Variants in TNNI3K observed in about 807,000 individuals in gnomAD.
The protein encoded by TNNI3K is serine/threonine-protein kinase TNNI3K.
In TNNI3K, 140 loss-of-function variants were observed where a neutral mutation model predicts 114.5. The ratio of observed to expected loss-of-function variants is 1.22; its 90% confidence interval spans 1.07 to 1.41. TNNI3K has a LOEUF of 1.41. Among genes scored for constraint, TNNI3K ranks in the 40% most tolerant of loss-of-function variants. The pLI is 0.00. For missense variants in TNNI3K, 1,125 were observed against 1,007.6 expected (o/e 1.12, Z -1.58); for synonymous variants, 347 against 347.5 (o/e 1.00, Z 0.02).
At chr1:74,419,927 C>T (rs944022664) in intron 17 of TNNI3K, among the ~76,000 whole-genome samples, 27 of 152,006 alleles carry the variant, frequency 1.8e-4, no homozygotes, top group African/African-American at 6.5e-4. Context: ...TCACAGATTT[C>T]ATAATGTATT....
intron 7 of TNNI3K, among the ~76,000 whole-genome samples, chr1:74,339,107 T>C (rs557492814): frequency 2.0e-5 from 3 of 152,256 alleles, no homozygotes; most frequent in South Asian, 2.1e-4. Context: ...AGTGTCAAAA[T>C]GAATGTCATT....
intron 5 of TNNI3K, among the ~76,000 whole-genome samples, chr1:74,303,846 G>C (rs1239863605): frequency 2.6e-5 from 4 of 152,162 alleles, no homozygotes; most frequent in African/African-American, 7.2e-5. Flanking sequence ...TACAGTAACA[G>C]GAGTTTGGCA....
intron 6 of TNNI3K, among the ~76,000 whole-genome samples, chr1:74,331,756 A>T (rs1191115769): frequency 2.0e-5 from 3 of 152,218 alleles, no homozygotes; most frequent in Admixed American, 2.0e-4. Flanking sequence ...CTTATTACAC[A>T]AAGAGGCAGA....
intron 5 of TNNI3K, among the ~76,000 whole-genome samples, chr1:74,296,273 CAAAA>C (rs35316333): frequency 1.7e-5 from 2 of 119,072 alleles, no homozygotes; most frequent in Non-Finnish European, 3.6e-5. Flanking sequence ...AAGACTCCGT[CAAAA>C]AAAAAAAAAA....
chr1:74,267,387 G>A (rs889309264), intron 4 of TNNI3K, among the ~76,000 whole-genome samples: 8 of 151,900 alleles, frequency 5.3e-5, no homozygotes, highest in African/African-American at 1.2e-4. Flanking sequence ...CTTGAGACTC[G>A]ATCAGGAAAA....
At chr1:74,284,063 G>A (rs751421962) in intron 5 of TNNI3K, among the ~76,000 whole-genome samples, 1 of 152,108 alleles carries the variant, frequency 6.6e-6, no homozygotes, top group Non-Finnish European at 1.5e-5. Flanking sequence ...GTCTCAGGAA[G>A]ACGGGAAATT....
chr1:74,430,185 A>G (rs1665825913), intron 17 of TNNI3K, among the ~76,000 whole-genome samples: 1 of 152,136 alleles, frequency 6.6e-6, no homozygotes, highest in Non-Finnish European at 1.5e-5. Context: ...GTGGTCTAAT[A>G]ATCAGGCCAG....
chr1:74,318,718 TA>T (rs759187950), intron 5 of TNNI3K, among the ~76,000 whole-genome samples: 99 of 152,382 alleles, frequency 6.5e-4, no homozygotes, highest in Non-Finnish European at 1.2e-3. Flanking sequence ...AATTTACATG[TA>T]CCTTATATCA....
chr1:74,237,892 A>T (rs1374577690), intron 2 of TNNI3K, among the ~76,000 whole-genome samples: 1 of 151,964 alleles, frequency 6.6e-6, no homozygotes, highest in African/African-American at 2.4e-5. Context: ...AATAATATTA[A>T]CTCCGGTGGA....
chr1:74,301,009 T>C (rs796728932), intron 5 of TNNI3K, among the ~76,000 whole-genome samples: 1 of 152,304 alleles, frequency 6.6e-6, no homozygotes, highest in African/African-American at 2.4e-5. Context: ...CAATAAAGTG[T>C]GAATGTGCAT....
intron 5 of TNNI3K, among the ~76,000 whole-genome samples, chr1:74,321,099 C>T (rs1659586682): frequency 6.6e-6 from 1 of 152,040 alleles, no homozygotes; most frequent in South Asian, 2.1e-4. Context: ...AGAATTTTGG[C>T]TTTTAAAATG....
intron 17 of TNNI3K, among the ~76,000 whole-genome samples, chr1:74,406,404 G>C (rs1447239223): frequency 6.6e-6 from 1 of 152,064 alleles, no homozygotes; most frequent in African/African-American, 2.4e-5. Flanking sequence ...TTCCAGTGTG[G>C]CCCAGGGAAG....
chr1:74,399,546 A>G (rs1386981016), intron 17 of TNNI3K, among the ~76,000 whole-genome samples: 1 of 151,946 alleles, frequency 6.6e-6, no homozygotes, highest in Non-Finnish European at 1.5e-5. Context: ...CTGATCACTG[A>G]GACAGCCTTA....
intron 9 of TNNI3K, among the ~76,000 whole-genome samples, chr1:74,351,555 A>G (rs199775165): frequency 6.6e-6 from 1 of 152,158 alleles, no homozygotes; most frequent in Admixed American, 6.5e-5. Flanking sequence ...AATATCCTGC[A>G]GAGTGTTTTC....
intron 17 of TNNI3K, among the ~76,000 whole-genome samples, chr1:74,433,537 C>T (rs892644432): frequency 6.6e-6 from 1 of 152,152 alleles, no homozygotes; most frequent in African/African-American, 2.4e-5. Context: ...TGAATAGAAA[C>T]TTTCACTTTA....
chr1:74,260,526 A>G (rs186788328), intron 4 of TNNI3K, among the ~76,000 whole-genome samples: 55 of 152,312 alleles, frequency 3.6e-4, no homozygotes, highest in Middle Eastern at 3.4e-3. Flanking sequence ...AGATAGAATT[A>G]TCTATTTTAT....
intron 17 of TNNI3K, among the ~76,000 whole-genome samples, chr1:74,389,546 T>C (rs184917554): frequency 3.4e-4 from 52 of 152,334 alleles, no homozygotes; most frequent in African/African-American, 1.2e-3. Context: ...TGCCTTTCTG[T>C]GTTCCTATCA....
Position 74,503,095 on chromosome 1 carries a change from G to A in TNNI3K, c.2351+10829G>A, listed in dbSNP as rs1570711232. ...TTCCTCATTAAACGTACTCTCCACTGTGGTAGCCAAATGCAGTCAATGAAT... is the reference window on the plus strand; with the variant it reads ...TTCCTCATTAAACGTACTCTCCACTATGGTAGCCAAATGCAGTCAATGAAT... On this transcript the variant is annotated intron_variant, in intron 23 of 24. Transcript: ENST00000326637. 3.3e-5 allele frequency among the ~76,000 whole-genome samples: 5 copies of A among 152,176 alleles called. No individual in the cohort carries two copies. In the South Asian group the frequency reaches 1.0e-3, roughly 32 times the overall value.
chr1:74,386,674 T>C (rs1663497125), intron 17 of TNNI3K, among the ~76,000 whole-genome samples: 1 of 152,158 alleles, frequency 6.6e-6, no homozygotes, highest in Admixed American at 6.5e-5. Flanking sequence ...AAATAACTGG[T>C]CTGTGAAAAA....
Sources: gnomAD v4.1 joint callset for allele counts (sites outside exome capture counted in the v4.1 genomes callset) on GRCh38, gnomAD v4.1.1 for gene constraint, MANE v1.5 for transcripts, NCBI Gene and HGNC (gene_info 2026-07-23, HGNC 2026-07-21) for gene names.